The following KCNG3 variants were observed in gnomAD, a reference collection of about 807,000 sequenced individuals.
KCNG3 encodes the protein potassium voltage-gated channel modifier subfamily G member 3.
In KCNG3, 15 loss-of-function variants were observed where a neutral mutation model predicts 29.0. The observed-to-expected ratio is 0.52, with a 90% CI of 0.35 to 0.80. The LOEUF is 0.80. Ranked by LOEUF, KCNG3 falls within the 30% of genes least tolerant of loss-of-function variation. The pLI is 0.01. For missense variants in KCNG3, 512 were observed against 605.7 expected (o/e 0.85, Z 1.62); for synonymous variants, 322 against 248.9 (o/e 1.29, Z -2.76).
At chr2:42,430,856 T>A in the KCNG3 span, among the ~76,000 whole-genome samples, 20 of 152,044 alleles carry the variant, frequency 1.3e-4, no homozygotes, top group African/African-American at 4.8e-4. Flanking sequence ...ACACATGTAA[T>A]CCCAGAACTT....
chr2:42,416,749 C>T, the KCNG3 span, among the ~76,000 whole-genome samples: 20,728 of 150,006 alleles, frequency 0.14, 1,451 homozygotes, highest in African/African-American at 0.16. Context: ...ACCCAGTAGG[C>T]AGACGTTGCA....
At chr2:42,423,771 T>C in the KCNG3 span, among the ~76,000 whole-genome samples, 2 of 148,354 alleles carry the variant, frequency 1.3e-5, no homozygotes, top group Non-Finnish European at 3.0e-5. Flanking sequence ...CATATGTGGC[T>C]AGAGCCTCGC....
At chr2:42,447,273 T>C (rs938410435) in intron 1 of KCNG3, among the ~76,000 whole-genome samples, 1 of 150,756 alleles carries the variant, frequency 6.6e-6, no homozygotes, top group African/African-American at 2.4e-5. Context: ...CATACATGTA[T>C]ATATATATAC....
the KCNG3 span, among the ~76,000 whole-genome samples, chr2:42,398,092 G>T: frequency 6.6e-6 from 1 of 151,942 alleles, no homozygotes; most frequent in African/African-American, 2.4e-5. Flanking sequence ...GCATGGTGGC[G>T]GGCGCCTGTA....
At chr2:42,407,725 T>A in the KCNG3 span, among the ~76,000 whole-genome samples, 1 of 150,636 alleles carries the variant, frequency 6.6e-6, no homozygotes, top group Non-Finnish European at 1.5e-5. Context: ...AGCCCTGCCC[T>A]CCCTGGTGCA....
intron 1 of KCNG3, among the ~76,000 whole-genome samples, chr2:42,478,934 C>G (rs2103724679): frequency 6.6e-6 from 1 of 150,518 alleles, no homozygotes; most frequent in South Asian, 2.1e-4. Context: ...ATGGTTGGGA[C>G]TAGAAGTATT....
At chr2:42,459,226 A>G (rs548404724) in intron 1 of KCNG3, among the ~76,000 whole-genome samples, 2 of 150,878 alleles carry the variant, frequency 1.3e-5, no homozygotes, top group Non-Finnish European at 3.0e-5. Flanking sequence ...AGAGAGAGTG[A>G]GAAGACAGAA....
rs547853918 is a variant in KCNG3, at chr2:42,493,079, G to T, written c.423C>A (p.Arg141=). ...EPGVLGRDEA[R]PGGAEAAPSR... ...AGGGAGCCGCCTCGGCCCCGCCGGG[G>T]CGCGCCTCGTCGCGGCCCAGCACGC... The change falls in exon 1 of 2, where the codon CGC becomes CGA. Residue 141 remains arginine (R), a synonymous_variant. Coordinates refer to ENST00000306078, the MANE Select transcript of KCNG3 (RefSeq NM_133329.6). The T allele has an allele frequency of 3.9e-6, 6 of 1,553,994 alleles. No individual in the cohort carries two copies. The African/African-American group carries it at 6.8e-5, about 18-fold the overall frequency.
intron 1 of KCNG3, among the ~76,000 whole-genome samples, chr2:42,489,648 A>C (rs1272797403): frequency 2.0e-5 from 3 of 152,180 alleles, no homozygotes; most frequent in Non-Finnish European, 4.4e-5. Context: ...ATAGAATCTG[A>C]ATTGGGCTTG....
At chr2:42,480,741 A>G (rs1231536194) in intron 1 of KCNG3, among the ~76,000 whole-genome samples, 1 of 149,298 alleles carries the variant, frequency 6.7e-6, no homozygotes, top group African/African-American at 2.5e-5. Flanking sequence ...CCTAGGCAGC[A>G]TATTGAAACC....
intron 1 of KCNG3, among the ~76,000 whole-genome samples, chr2:42,465,940 A>T (rs1673132470): frequency 6.6e-6 from 1 of 152,240 alleles, no homozygotes; most frequent in South Asian, 2.1e-4. Flanking sequence ...AGACAGAATA[A>T]CAAAAATTTG....
chr2:42,469,498 C>T (rs1328451878), intron 1 of KCNG3, among the ~76,000 whole-genome samples: 1 of 151,648 alleles, frequency 6.6e-6, no homozygotes, highest in Non-Finnish European at 1.5e-5. Context: ...GCAAATGAGG[C>T]TCTTCAGATT....
Position 42,492,880 on chromosome 2 carries a change from C to T in KCNG3, c.622G>A (p.Asp208Asn), listed in dbSNP as rs1673936492. 1 of 1,540,174 alleles carries T rather than the reference C, an allele frequency of 6.5e-7. No homozygotes were observed. Among genetic ancestry groups the T allele is most frequent in the Non-Finnish European group, 8.7e-7 (1 of 1,149,686 alleles). ...GGGCCGGCGGAGTACCTGCTCCGGT[C>T]ATCCAGGCTGCGGTTGTCGGCGGCT... is the stretch of plus-strand genomic sequence containing the variant. ...NAAADNRSLD[D>N]RSRYSAGPGR... Residue 208 changes from aspartate (D) to asparagine (N), a missense_variant, in exon 1 of 2, where the codon GAC becomes AAC. This residue lies in a region of KCNG3 where 228 missense variants were observed against 200.0 expected (regional missense o/e 1.14). Transcript: ENST00000306078.
the KCNG3 span, among the ~76,000 whole-genome samples, chr2:42,433,655 C>T: frequency 6.6e-6 from 1 of 152,130 alleles, no homozygotes; most frequent in Non-Finnish European, 1.5e-5. Flanking sequence ...AGGAGAATTG[C>T]TTGAACCCGA....
intron 1 of KCNG3, among the ~76,000 whole-genome samples, chr2:42,462,589 C>T (rs780822783): frequency 6.6e-5 from 10 of 151,946 alleles, no homozygotes; most frequent in African/African-American, 2.4e-4. Context: ...GGCTGAGGCA[C>T]GAGAATCACT....
the KCNG3 span, among the ~76,000 whole-genome samples, chr2:42,420,450 G>T: frequency 2.6e-5 from 4 of 152,102 alleles, no homozygotes; most frequent in South Asian, 2.1e-4. Context: ...CACTAGAAAG[G>T]CTAGTCATCA....
chr2:42,486,513 T>C (rs924548575), intron 1 of KCNG3, among the ~76,000 whole-genome samples: 2 of 152,228 alleles, frequency 1.3e-5, no homozygotes, highest in Admixed American at 6.5e-5. Context: ...CTCCTTCCCA[T>C]GGCACACAGG....
At chr2:42,441,715 T>TAC (rs765932897), downstream of KCNG3, among the ~76,000 whole-genome samples, 383 of 9,602 alleles carry the variant, frequency 0.04, 7 homozygotes, top group East Asian at 0.059. Context: ...TATATATATA[T>TAC]ACACACACAC....
chr2:42,392,103 TAAAGTCAAGATGTACC>T, the KCNG3 span, among the ~76,000 whole-genome samples: 2 of 152,164 alleles, frequency 1.3e-5, no homozygotes, highest in Admixed American at 1.3e-4. Context: ...TTAATTCAAA[TAAAGTCAAGATGTACC>T]AAAGCCTATG....
Sources: allele counts gnomAD v4.1 joint callset (sites outside exome capture counted in the v4.1 genomes callset), GRCh38; gene constraint gnomAD v4.1.1; regional missense constraint gnomAD v4.1.1; transcripts MANE v1.5; gene names NCBI Gene and HGNC (gene_info 2026-07-23, HGNC 2026-07-21).